Variants in CCDC158 observed in about 807,000 individuals in gnomAD.
The protein encoded by CCDC158 is coiled-coil domain-containing protein 158.
CCDC158 carries 116 observed loss-of-function variants against 138.6 expected under a neutral mutation model. The ratio of observed to expected loss-of-function variants is 0.84; its 90% confidence interval spans 0.72 to 0.98. The LOEUF is 0.98. Ranked by LOEUF, CCDC158 falls within the 50% of genes least tolerant of loss-of-function variation. CCDC158 has a pLI of 0.00. For synonymous variants in CCDC158, 436 were observed against 442.4 expected (o/e 0.99, Z 0.18); for missense variants, 1,265 against 1,306.1 (o/e 0.97, Z 0.48).
At chr4:76,344,487 A>G (rs1300524832) in intron 18 of CCDC158, 4 of 755,248 alleles carry the variant, frequency 5.3e-6, no homozygotes, top group South Asian at 1.4e-5. Flanking sequence ...CAGGAGCTCA[A>G]GAGCTACAGG....
chr4:76,314,419 C>T (rs1371200131), intron 24 of CCDC158, among the ~76,000 whole-genome samples: 1 of 152,166 alleles, frequency 6.6e-6, no homozygotes, highest in African/African-American at 2.4e-5. Context: ...GACAGAGCAA[C>T]GTGTGGAGAC....
chr4:76,364,959 C>T (rs1560428875), intron 12 of CCDC158, among the ~76,000 whole-genome samples: 2 of 152,228 alleles, frequency 1.3e-5, no homozygotes, highest in South Asian at 4.1e-4. Flanking sequence ...CTCTGCCTAG[C>T]CACTCCTGGC....
chr4:76,325,724 T>TTAC, intron 23 of CCDC158, 133 bp downstream of exon 23: 2 of 639,236 alleles, frequency 3.1e-6, no homozygotes, highest in Non-Finnish European at 5.0e-6. Context: ...AAGACCTGTT[T>TTAC]AAATTACACA....
chr4:76,351,201 G>T, intron 17 of CCDC158, 80 bp from the exon 18 acceptor site: 5 of 1,337,566 alleles, frequency 3.7e-6, no homozygotes, highest in South Asian at 1.6e-5. Flanking sequence ...TGTATTTTTT[G>T]ATTTCACAGG....
rs1304185808 is a variant in CCDC158, at chr4:76,390,778, G to C, written c.288+5491C>G. ...AGACACACATAGCCTGAAAATAAAG[G>C]GATGGAAAAAGATATTCCATGCCAA... On this transcript the variant is annotated intron_variant, in intron 4 of 24. Coordinates refer to ENST00000682701, the MANE Select transcript of CCDC158 (RefSeq NM_001394954.1). Among the ~76,000 whole-genome samples the C allele has an allele frequency of 3.9e-5, 6 of 151,984 alleles. No individual in the cohort carries two copies. The East Asian group carries it at 1.2e-3, about 29-fold the overall frequency.
At chr4:76,365,148 G>T (rs151172405) in intron 12 of CCDC158, among the ~76,000 whole-genome samples, 2 of 152,126 alleles carry the variant, frequency 1.3e-5, no homozygotes, top group Non-Finnish European at 2.9e-5. Context: ...TTTAAGAAAG[G>T]TCTAGCTCTG....
intron 12 of CCDC158, 62 bp downstream of exon 12, chr4:76,367,232 A>T: frequency 6.5e-7 from 1 of 1,538,452 alleles, no homozygotes; most frequent in Non-Finnish European, 8.8e-7. Flanking sequence ...ACTTTTCAGT[A>T]CAGGTCATAC....
At chr4:76,334,694 C>T (rs967537249) in intron 18 of CCDC158, among the ~76,000 whole-genome samples, 1 of 151,988 alleles carries the variant, frequency 6.6e-6, no homozygotes, top group Non-Finnish European at 1.5e-5. Context: ...TGATAGTGTA[C>T]CCCAATAAAT....
Position 76,346,449 on chromosome 4 carries a change from C to T in CCDC158, c.2664+4547G>A, listed in dbSNP as rs191078536. 2.8e-3 allele frequency among the ~76,000 whole-genome samples: 428 copies of T among 152,346 alleles called. 2 individuals carry two copies. Among genetic ancestry groups the T allele is most frequent in the African/African-American group, 9.2e-3 (383 of 41,590 alleles). On this transcript the variant is annotated intron_variant, in intron 18 of 24. Coordinates refer to ENST00000682701, the MANE Select transcript of CCDC158 (RefSeq NM_001394954.1). ...TAAACTAGGCTGATGCAGTGGCTCA[C>T]GCCTGTAATCCCAACGCTTTGGGAG...
chr4:76,337,590 G>C (rs1721637121), intron 18 of CCDC158, among the ~76,000 whole-genome samples: 1 of 152,016 alleles, frequency 6.6e-6, no homozygotes. Flanking sequence ...CAATTAGCTG[G>C]ATGTGGTAGT....
chr4:76,400,534 C>T (rs1001044194), intron 3 of CCDC158, among the ~76,000 whole-genome samples: 4 of 151,590 alleles, frequency 2.6e-5, no homozygotes, highest in African/African-American at 9.7e-5. Flanking sequence ...GCACATGTAC[C>T]CTAGAACTTA....
chr4:76,353,220 G>A lies in CCDC158; in HGVS notation c.2348C>T (p.Thr783Ile). ...CTCCCCAGCCATCTTGTTTTTTTCT[G>A]TGGCAACAGTACTCAATTCCTGACT... ...KLSQELSTVA[T>I]EKNKMAGELE... Residue 783 changes from threonine to isoleucine, a missense_variant, in exon 16 of 25, where the codon ACA becomes ATA. Transcript: ENST00000682701. 6.2e-7 allele frequency: 1 copy of A among 1,613,146 alleles called. No individual in the cohort carries two copies. Among genetic ancestry groups the A allele is most frequent in the Non-Finnish European group, 8.5e-7 (1 of 1,179,592 alleles).
chr4:76,395,394 A>G (rs1155753), intron 4 of CCDC158, among the ~76,000 whole-genome samples: 4,472 of 152,264 alleles, frequency 0.029, 220 homozygotes, highest in African/African-American at 0.1. Flanking sequence ...AGGTAGAACA[A>G]TGTGGTAATG....
chr4:76,366,594 A>G (rs992738387), intron 12 of CCDC158, among the ~76,000 whole-genome samples: 3 of 150,604 alleles, frequency 2.0e-5, no homozygotes, highest in Non-Finnish European at 3.0e-5. Context: ...GAAGTCTACA[A>G]TCTTGTAGGG....
At chr4:76,370,545 A>G (rs1725135381) in intron 10 of CCDC158, among the ~76,000 whole-genome samples, 1 of 152,212 alleles carries the variant, frequency 6.6e-6, no homozygotes, top group African/African-American at 2.4e-5. Context: ...AGCCCTTTAC[A>G]GGAAGGAGTG....
chr4:76,351,879 T>C, intron 16 of CCDC158, 67 bp from the exon 17 acceptor site: 1 of 947,874 alleles, frequency 1.1e-6, no homozygotes, highest in South Asian at 1.4e-5. Context: ...TATTAACCTA[T>C]GAATGCAGAG....
At chr4:76,336,826 G>A (rs867242191) in intron 18 of CCDC158, among the ~76,000 whole-genome samples, 2 of 152,148 alleles carry the variant, frequency 1.3e-5, no homozygotes. Context: ...GGATGCTATC[G>A]TTGAAACCAT....
chr4:76,408,651 G>T (rs1729036630), intron 2 of CCDC158, among the ~76,000 whole-genome samples: 1 of 152,094 alleles, frequency 6.6e-6, no homozygotes, highest in African/African-American at 2.4e-5. Context: ...AAAAACACGT[G>T]TTCATGTGTC....
At chr4:76,394,481 G>T (rs1304326766) in intron 4 of CCDC158, among the ~76,000 whole-genome samples, 1 of 152,030 alleles carries the variant, frequency 6.6e-6, no homozygotes, top group African/African-American at 2.4e-5. Flanking sequence ...CCAGAGGGTG[G>T]GAAGGGTAGT....
Sources: allele counts gnomAD v4.1 joint callset (sites outside exome capture counted in the v4.1 genomes callset), GRCh38; gene constraint gnomAD v4.1.1; transcripts MANE v1.5; gene names NCBI Gene and HGNC (gene_info 2026-07-23, HGNC 2026-07-21).